Variants in VRK2 observed in about 807,000 individuals in gnomAD.
VRK2 encodes serine/threonine-protein kinase VRK2.
In VRK2, 60 loss-of-function variants were observed where a neutral mutation model predicts 57.6. The observed-to-expected ratio is 1.04, with a 90% CI of 0.85 to 1.29. VRK2 has a LOEUF of 1.29. Ranked by LOEUF, VRK2 falls within the 50% of genes most tolerant of loss-of-function variation. The pLI, the probability that VRK2 is intolerant of heterozygous loss-of-function variation, is 0.00. For synonymous variants in VRK2, 231 were observed against 199.2 expected (o/e 1.16, Z -1.35); for missense variants, 705 against 588.1 (o/e 1.20, Z -2.06).
At chr2:58,025,789 A>G (rs1187166847) in intron 2 of VRK2, 1 of 152,208 alleles carries the variant, frequency 6.6e-6, no homozygotes, top group African/African-American at 2.4e-5. Context: ...CCTTTATAGA[A>G]AAGGTAAGCT....
chr2:57,924,411 T>C (rs910181772), intron 1 of VRK2, among the ~76,000 whole-genome samples: 1 of 152,040 alleles, frequency 6.6e-6, no homozygotes, highest in Non-Finnish European at 1.5e-5. Flanking sequence ...CAGTGTTTTA[T>C]AGTTTTCATT....
chr2:58,046,780 CGGGACTGTAGGCCCGGGGGCTCCGCCT>C, exon 1 of VRK2: 2 of 985,542 alleles, frequency 2.0e-6, no homozygotes, highest in Non-Finnish European at 2.4e-6. Flanking sequence ...CGCCTCCCCG[CGGGACTGTAGGCCCGGGGGCTCCGCCT>C]CGTCGCAGCG....
chr2:58,053,123 C>A (rs928073799), intron 2 of VRK2, among the ~76,000 whole-genome samples: 2 of 152,134 alleles, frequency 1.3e-5, no homozygotes, highest in African/African-American at 4.8e-5. Flanking sequence ...TGTTCTCTTC[C>A]ATAATTATAG....
chr2:58,131,107 T>TC (rs1437346425), intron 8 of VRK2, among the ~76,000 whole-genome samples: 2 of 151,856 alleles, frequency 1.3e-5, no homozygotes, highest in Non-Finnish European at 2.9e-5. Flanking sequence ...TATTTGGCTC[T>TC]CCCCCCAGCC....
At chr2:58,014,127 T>A (rs1673501623) in intron 1 of VRK2, among the ~76,000 whole-genome samples, 1 of 152,188 alleles carries the variant, frequency 6.6e-6, no homozygotes, top group African/African-American at 2.4e-5. Context: ...TTGATTCATT[T>A]TTATCAGTTT....
intron 1 of VRK2, among the ~76,000 whole-genome samples, chr2:58,008,578 A>C (rs1045123921): frequency 6.6e-6 from 1 of 152,126 alleles, no homozygotes; most frequent in Non-Finnish European, 1.5e-5. Flanking sequence ...GAAACTAACA[A>C]TCTAAGCATC....
At chr2:58,151,731 GT>G (rs60379025) in intron 12 of VRK2, among the ~76,000 whole-genome samples, 1 of 16,722 alleles carries the variant, frequency 6.0e-5, no homozygotes, top group Non-Finnish European at 1.5e-4. Context: ...TTCTATGCTT[GT>G]TTTTTTTTTT....
chr2:57,980,402 A>C (rs1175531130), intron 1 of VRK2, among the ~76,000 whole-genome samples: 1 of 152,092 alleles, frequency 6.6e-6, no homozygotes, highest in African/African-American at 2.4e-5. Context: ...TGAGAGTGTG[A>C]TTAGTATGAT....
In VRK2 at chr2:58,081,561, T is replaced by C. The variant is rs577644491; in HGVS notation, c.137-2528T>C. On this transcript the variant is annotated intron_variant, in intron 2 of 12. Transcript: ENST00000340157. ...TCTACTGATTTTGGAGTTATGAACC[T>C]CTGTTATTTTAGCATTTACCCTTAA... 1.1e-3 allele frequency among the ~76,000 whole-genome samples: 171 copies of C among 152,104 alleles called. 1 individual carries two copies. The highest frequency in any genetic ancestry group is 3.9e-3 in the African/African-American group (164 of 41,562).
intron 12 of VRK2, among the ~76,000 whole-genome samples, chr2:58,157,818 T>TCAA (rs1404599651): frequency 1.3e-5 from 2 of 152,232 alleles, no homozygotes; most frequent in African/African-American, 4.8e-5. Flanking sequence ...TCAGAACTAT[T>TCAA]CAACAATGCC....
chr2:58,141,193 A>G (rs1681277645), intron 11 of VRK2, among the ~76,000 whole-genome samples: 2 of 151,982 alleles, frequency 1.3e-5, no homozygotes, highest in Non-Finnish European at 2.9e-5. Flanking sequence ...TTGACGTAGT[A>G]TTTTCGTTGC....
chr2:58,050,453 A>G (rs564917242), intron 2 of VRK2, among the ~76,000 whole-genome samples: 6 of 152,314 alleles, frequency 3.9e-5, no homozygotes, highest in East Asian at 1.9e-4. Flanking sequence ...GATCTCTAGT[A>G]TACTGTCTTG....
intron 1 of VRK2, among the ~76,000 whole-genome samples, chr2:57,951,924 C>CTTTT (rs77314112): frequency 0.015 from 1,877 of 128,688 alleles, 54 homozygotes; most frequent in African/African-American, 0.052. Context: ...TTTTTCCTTC[C>CTTTT]TTTTTTTTTT....
rs184480661 is a variant in VRK2, at chr2:58,088,042, A to G, written c.345-299A>G. Among the ~76,000 whole-genome samples, 186 of 152,318 alleles carry G rather than the reference A, an allele frequency of 1.2e-3. 3 individuals carry two copies. Among genetic ancestry groups the G allele is most frequent in the Admixed American group, 8.7e-3 (133 of 15,300 alleles). ...TTCAAGGCCATATGGCAAGAAAGTC[A>G]TGGAGTCAAAATGAATTGCATTCAG... On this transcript the variant is annotated intron_variant, in intron 5 of 12. Transcript: ENST00000340157.
At chr2:57,921,076 T>G (rs1442086440) in intron 1 of VRK2, among the ~76,000 whole-genome samples, 1 of 152,048 alleles carries the variant, frequency 6.6e-6, no homozygotes, top group African/African-American at 2.4e-5. Flanking sequence ...GAGCAGGGAC[T>G]AGGACTTGGT....
At chr2:58,048,692 T>G (rs1675249488) in intron 1 of VRK2, 135 bp from the exon 2 acceptor site, 1 of 1,498,764 alleles carries the variant, frequency 6.7e-7, no homozygotes, top group Middle Eastern at 1.9e-4. Context: ...TTTTCCAAAC[T>G]GAATTAACTT....
At chr2:58,122,287 C>A (rs1339477175) in intron 7 of VRK2, among the ~76,000 whole-genome samples, 1 of 152,104 alleles carries the variant, frequency 6.6e-6, no homozygotes. Flanking sequence ...GGGGTGCTGA[C>A]CCCCACTCCC....
intron 1 of VRK2, among the ~76,000 whole-genome samples, chr2:57,939,257 T>C (rs546472164): frequency 2.6e-5 from 4 of 152,218 alleles, no homozygotes; most frequent in Admixed American, 6.5e-5. Context: ...TTTCCATTAG[T>C]GATTTCCAGA....
At chr2:57,956,036 A>G (rs1446453044) in intron 1 of VRK2, among the ~76,000 whole-genome samples, 1 of 152,196 alleles carries the variant, frequency 6.6e-6, no homozygotes, top group African/African-American at 2.4e-5. Context: ...TAATAAATAC[A>G]TTCAAATATG....
Sources: allele counts gnomAD v4.1 joint callset (sites outside exome capture counted in the v4.1 genomes callset), GRCh38; gene constraint gnomAD v4.1.1; transcripts MANE v1.5; gene names NCBI Gene and HGNC (gene_info 2026-07-23, HGNC 2026-07-21).